Variants in NBAS observed in about 807,000 individuals in gnomAD.
The protein encoded by NBAS is NAG/BC035112 fusion.
In NBAS, 219 loss-of-function variants were observed where a neutral mutation model predicts 302.5. That is an observed-to-expected ratio of 0.72 (90% CI 0.65 to 0.81). NBAS has a LOEUF of 0.81. Among genes scored for constraint, NBAS ranks in the 30% least tolerant of loss-of-function variants. The pLI, the probability that NBAS is intolerant of heterozygous loss-of-function variation, is 0.00. For missense variants in NBAS, 2,932 were observed against 2,841.6 expected (o/e 1.03, Z -0.72); for synonymous variants, 1,118 against 1,021.6 (o/e 1.09, Z -1.80).
chr2:15,214,853 G>T (rs1009572274), intron 48 of NBAS, among the ~76,000 whole-genome samples: 1 of 152,140 alleles, frequency 6.6e-6, no homozygotes, highest in Non-Finnish European at 1.5e-5. Flanking sequence ...CAAAATACAT[G>T]CATTTGTAAT....
chr2:15,161,381 A>T, the NBAS span, among the ~76,000 whole-genome samples: 1 of 152,276 alleles, frequency 6.6e-6, no homozygotes, highest in Admixed American at 6.5e-5. Context: ...AACGAGCTAA[A>T]ATCAAATTGA....
chr2:14,817,292 G>A, the NBAS span, among the ~76,000 whole-genome samples: 1 of 152,154 alleles, frequency 6.6e-6, no homozygotes, highest in Non-Finnish European at 1.5e-5. Flanking sequence ...GCTTATGCCT[G>A]GAAAACTCCT....
chr2:15,089,292 T>G, the NBAS span, among the ~76,000 whole-genome samples: 3,728 of 152,140 alleles, frequency 0.025, 159 homozygotes, highest in East Asian at 0.12. Context: ...CCTTCAGGAA[T>G]TTTAGAATTC....
chr2:15,483,224 T>C, intron 12 of NBAS: 1 of 227,422 alleles, frequency 4.4e-6, no homozygotes, highest in East Asian at 1.2e-4. Flanking sequence ...GAGTCTGTGA[T>C]GAAATACATA....
At chr2:14,784,038 T>C in the NBAS span, among the ~76,000 whole-genome samples, 23 of 152,232 alleles carry the variant, frequency 1.5e-4, no homozygotes, top group African/African-American at 5.5e-4. Flanking sequence ...TGGTATCTCA[T>C]TGTAGTTTTG....
rs149632404 is a variant in NBAS at position 15,315,522 on chromosome 2, G to C, written c.4583-6275C>G. On this transcript the variant is annotated intron_variant, in intron 38 of 51. Coordinates refer to ENST00000281513, the MANE Select transcript of NBAS (RefSeq NM_015909.4). Reference sequence around the variant, plus strand: ...CCTGTCAGTTACTTATTCCCCAAAGGGGGTTTCCTAGAAGACACTTCTGGA... The same window carrying C: ...CCTGTCAGTTACTTATTCCCCAAAGCGGGTTTCCTAGAAGACACTTCTGGA... 5.0e-3 allele frequency among the ~76,000 whole-genome samples: 766 copies of C among 152,318 alleles called. 2 individuals carry two copies. The highest frequency in any genetic ancestry group is 0.037 in the Middle Eastern group (11 of 294).
intron 51 of NBAS, among the ~76,000 whole-genome samples, chr2:15,171,100 A>T (rs1664271004): frequency 1.3e-5 from 2 of 152,234 alleles, no homozygotes; most frequent in Non-Finnish European, 2.9e-5. Flanking sequence ...CTCTCTGACC[A>T]TGCATTATTC....
chr2:15,033,984 G>GGAAGAAGAGGAAGAAGAAGAAGAA, the NBAS span, among the ~76,000 whole-genome samples: 7 of 56,312 alleles, frequency 1.2e-4, no homozygotes, highest in South Asian at 9.1e-4. Context: ...AAGAGGAAGA[G>GGAAGAAGAGGAAGAAGAAGAAGAA]GAAGAAGAAG....
the NBAS span, among the ~76,000 whole-genome samples, chr2:15,087,859 T>C: frequency 3.3e-5 from 5 of 152,268 alleles, no homozygotes; most frequent in Non-Finnish European, 7.3e-5. Flanking sequence ...CAGCCTTTAC[T>C]GTGTCTAAAT....
chr2:14,952,444 G>A, the NBAS span, among the ~76,000 whole-genome samples: 1 of 152,186 alleles, frequency 6.6e-6, no homozygotes, highest in Non-Finnish European at 1.5e-5. Context: ...TCAGTTCCAG[G>A]CCCTGTGCAA....
chr2:14,852,719 C>G, the NBAS span, among the ~76,000 whole-genome samples: 5 of 149,228 alleles, frequency 3.4e-5, no homozygotes, highest in South Asian at 8.6e-4. Context: ...GGTACCAAAA[C>G]AGAGATATAG....
chr2:15,062,653 T>A, the NBAS span, among the ~76,000 whole-genome samples: 15 of 151,682 alleles, frequency 9.9e-5, no homozygotes, highest in Middle Eastern at 3.4e-3. Flanking sequence ...GGTTTCAAAC[T>A]TTTTTAGGAT....
At chr2:15,382,837 T>C (rs1675107150) in intron 29 of NBAS, among the ~76,000 whole-genome samples, 1 of 151,746 alleles carries the variant, frequency 6.6e-6, no homozygotes, top group Non-Finnish European at 1.5e-5. Flanking sequence ...AACCAGAGAG[T>C]TGGAAGTAGG....
At chr2:14,918,473 T>C in the NBAS span, among the ~76,000 whole-genome samples, 4 of 152,136 alleles carry the variant, frequency 2.6e-5, no homozygotes, top group East Asian at 5.8e-4. Flanking sequence ...GATAAAAATA[T>C]GTTAAGTGAA....
chr2:14,905,299 G>GT, the NBAS span, among the ~76,000 whole-genome samples: 1 of 152,224 alleles, frequency 6.6e-6, no homozygotes, highest in African/African-American at 2.4e-5. Context: ...ATTAAATGGA[G>GT]TAACTCTAGT....
intron 6 of NBAS, among the ~76,000 whole-genome samples, chr2:15,546,774 C>A (rs973847898): frequency 6.6e-6 from 1 of 152,180 alleles, no homozygotes; most frequent in Non-Finnish European, 1.5e-5. Context: ...ATAGTCTATC[C>A]TTCCCAACCT....
At chr2:15,190,564 C>T (rs1027447593) in intron 48 of NBAS, among the ~76,000 whole-genome samples, 161 bp from the exon 49 acceptor site, 3 of 152,172 alleles carry the variant, frequency 2.0e-5, no homozygotes, top group African/African-American at 7.2e-5. Context: ...CTAAGCCTTA[C>T]TCAATGTCAG....
At chr2:15,161,522 G>A in the NBAS span, among the ~76,000 whole-genome samples, 2 of 152,200 alleles carry the variant, frequency 1.3e-5, no homozygotes, top group African/African-American at 4.8e-5. Flanking sequence ...CAGTACTGCT[G>A]AGGAGAACTT....
At chr2:15,379,871 A>C in intron 29 of NBAS, 40 bp from the exon 30 acceptor site, 1 of 1,555,986 alleles carries the variant, frequency 6.4e-7, no homozygotes, top group Non-Finnish European at 8.9e-7. Flanking sequence ...ATAGAGAGGG[A>C]AGATTCAGTT....
Sources: allele counts gnomAD v4.1 joint callset (sites outside exome capture counted in the v4.1 genomes callset), GRCh38; gene constraint gnomAD v4.1.1; transcripts MANE v1.5; gene names NCBI Gene and HGNC (gene_info 2026-07-23, HGNC 2026-07-21).